Variants in MUC5B observed in about 807,000 individuals in gnomAD.
MUC5B encodes mucin 5B, oligomeric mucus/gel-forming, also known as mucin-5B.
In MUC5B, 116 loss-of-function variants were observed where a neutral mutation model predicts 376.9. That is an observed-to-expected ratio of 0.31 (90% CI 0.26 to 0.36). The LOEUF (loss-of-function observed/expected upper bound fraction) is 0.36, where lower values mean the gene tolerates loss of function less well. Ranked by LOEUF, MUC5B falls within the 10% of genes least tolerant of loss-of-function variation. The pLI is 1.00. For missense variants in MUC5B, 7,165 were observed against 7,769.9 expected, an observed-to-expected ratio of 0.92 and a Z score of 2.93; for synonymous variants, 3,517 against 3,390.9, an observed-to-expected ratio of 1.04 and a Z score of -1.29.
chr11:1,229,601 A>C, intron 9 of MUC5B, 89 bp from the exon 10 acceptor site: 1 of 1,179,760 alleles, frequency 8.5e-7, no homozygotes, highest in East Asian at 2.6e-5. Flanking sequence ...TTCCTCCCCA[A>C]GGGAGGCAGC....
At chr11:1,238,419 G>T (rs1862201181) in intron 25 of MUC5B, among the ~76,000 whole-genome samples, 1 of 151,732 alleles carries the variant, frequency 6.6e-6, no homozygotes. Context: ...TGGAGGGAAG[G>T]CCCCCAGGTG....
At chr11:1,226,417 T>A in intron 3 of MUC5B, 141 bp downstream of exon 3, 1 of 1,302,834 alleles carries the variant, frequency 7.7e-7, no homozygotes, top group Non-Finnish European at 1.1e-6. Flanking sequence ...GGTCTCCTGG[T>A]CACTGGCCAC....
intron 9 of MUC5B, 66 bp from the exon 10 acceptor site, chr11:1,229,624 C>A: frequency 7.4e-7 from 1 of 1,357,840 alleles, no homozygotes; most frequent in Non-Finnish European, 1.0e-6. Context: ...GTCCCCAAGG[C>A]CGGTGTCTTC....
In MUC5B at chr11:1,262,039, G is replaced by A. The variant is rs1199149730; in HGVS notation, c.*431G>A. 3.8e-6 allele frequency: 2 copies of A among 519,604 alleles called. No individual in the cohort carries two copies. The highest frequency in any genetic ancestry group is 1.4e-5 in the South Asian group (1 of 70,466). The allele number at this position is 519,604 out of a possible 1,614,324, so 32.2% of individuals were successfully genotyped here. ...CCAGGAAGCTGCGACAGGCAAGGCG[G>A]CCGCCTGTCCATGCCTGCTGCAGGG... On this transcript the variant is annotated 3_prime_UTR_variant, in exon 49 of 49. Coordinates refer to ENST00000529681, the MANE Select transcript of MUC5B (RefSeq NM_002458.3).
In MUC5B at chr11:1,235,148, C is replaced by T. The variant is rs546384509; in HGVS notation, c.2694C>T (p.Tyr898=). The T allele has an allele frequency of 1.8e-5, 29 of 1,612,952 alleles. No individual in the cohort carries two copies. The highest frequency in any genetic ancestry group is 6.6e-5 in the South Asian group (6 of 91,090). The change falls in exon 22 of 49, where the codon TAC becomes TAT. Residue 898 remains tyrosine (Y), a synonymous_variant. Coordinates refer to ENST00000529681, the MANE Select transcript of MUC5B (RefSeq NM_002458.3). ...TCTGCCTGGGCACCTGCGTGGCCTA[C>T]GGGGATGGCCACTTCATCACCTTTG... ...HRLCLGTCVA[Y]GDGHFITFDG...
Position 1,242,669 on chromosome 11 carries a change from T to G in MUC5B, c.5789T>G (p.Leu1930Arg), listed in dbSNP as rs770159358. 3.1e-6 allele frequency: 5 copies of G among 1,604,740 alleles called. No homozygotes were observed. Among genetic ancestry groups the G allele is most frequent in the South Asian group, 1.1e-5 (1 of 90,876 alleles). Reference sequence around the variant, plus strand: ...TCCACGGCCACCCCGACCTCCACCCTGAGAACAGCTCCCCCTCCCAAAGTG... The same window carrying G: ...TCCACGGCCACCCCGACCTCCACCCGGAGAACAGCTCCCCCTCCCAAAGTG... Reference protein sequence around the residue: ...TGSTATPTSTLRTAPPPKVLT... With the variant: ...TGSTATPTSTRRTAPPPKVLT... Residue 1930 changes from leucine (L) to arginine (R), a missense_variant, in exon 31 of 49, where the codon CTG (leucine) becomes CGG (arginine). Physicochemically the swap from Leu to Arg is moderately radical, Grantham distance 102. This residue lies in a region of MUC5B where 897 missense variants were observed against 779.6 expected (regional missense o/e 1.15). Transcript: ENST00000529681.
chr11:1,247,075 G>C lies in MUC5B; in HGVS notation c.10195G>C (p.Ala3399Pro), dbSNP rs747942771. The C allele has an allele frequency of 6.4e-7, 1 of 1,561,960 alleles. No homozygotes were observed. Among genetic ancestry groups the C allele is most frequent in the Non-Finnish European group, 8.7e-7 (1 of 1,153,382 alleles). Reference sequence around the variant, plus strand: ...GACCACCACGGCCACTACGATCACAGCCACCGGCTCCACCACCAACCCCTC... The same window carrying C: ...GACCACCACGGCCACTACGATCACACCCACCGGCTCCACCACCAACCCCTC... Reference protein sequence around the residue: ...SLTTTATTITATGSTTNPSST... With the variant: ...SLTTTATTITPTGSTTNPSST... Residue 3399 changes from alanine to proline, a missense_variant, in exon 31 of 49, where the codon GCC becomes CCC. By Grantham distance (27) the Ala-to-Pro change is conservative (BLOSUM62 -1). This residue lies in a region of MUC5B where 939 missense variants were observed against 770.6 expected (regional missense o/e 1.22). Coordinates refer to ENST00000529681, the MANE Select transcript of MUC5B (RefSeq NM_002458.3).
chr11:1,250,336 A>T lies in MUC5B; in HGVS notation c.13456A>T (p.Thr4486Ser). The T allele has an allele frequency of 6.2e-7, 1 of 1,613,142 alleles. No homozygotes were observed. The highest frequency in any genetic ancestry group is 8.5e-7 in the Non-Finnish European group (1 of 1,179,592). The change falls in exon 31 of 49, where the codon ACG becomes TCG. Residue 4486 changes from threonine to serine, a missense_variant. By Grantham distance (58) the Thr-to-Ser change is moderately conservative. Around this residue, in one of 31 missense-constraint regions of MUC5B, gnomAD observed 431 missense variants for 390.4 expected, o/e 1.10. Transcript: ENST00000529681. ...AGTPHVSTTA[T>S]TPTVTSSKAT... ...CACCCCACATGTGAGCACCACGGCC[A>T]CGACACCCACAGTCACCAGCTCCAA... is the stretch of plus-strand genomic sequence containing the variant.
intron 26 of MUC5B, 26 bp from the exon 27 acceptor site, chr11:1,239,412 C>T (rs375706682): frequency 7.5e-6 from 12 of 1,598,528 alleles, no homozygotes; most frequent in African/African-American, 1.3e-5. Flanking sequence ...TGGGCGCCTC[C>T]TTAGCCTCTG....
In MUC5B at chr11:1,258,254, G is replaced by A; in HGVS notation, c.16555+51G>A. 6.3e-7 allele frequency: 1 copy of A among 1,579,072 alleles called. No homozygotes were observed. The highest frequency in any genetic ancestry group is 1.1e-5 in the South Asian group (1 of 87,060). On this transcript the variant is annotated intron_variant, in intron 42 of 48. Coordinates refer to ENST00000529681, the MANE Select transcript of MUC5B (RefSeq NM_002458.3). The surrounding 1 kb of genome is among the most constrained non-coding windows in gnomAD (Gnocchi z 5.5). ...TGGGTGGCCTCTTGCTGGGGGTGGG[G>A]GAGTGCAGGATGGTGGGGGCGCTGG...
intron 7 of MUC5B, among the ~76,000 whole-genome samples, chr11:1,228,171 C>T (rs796567143): frequency 2.6e-5 from 4 of 152,176 alleles, no homozygotes; most frequent in Non-Finnish European, 1.5e-5. Flanking sequence ...CATGAGCCCC[C>T]CTGTGAGCTG....
Position 1,234,334 on chromosome 11 carries a change from G to T in MUC5B, c.2478+29G>T. 1 of 1,106,402 alleles carries T rather than the reference G, an allele frequency of 9.0e-7. No homozygotes were observed. The highest frequency in any genetic ancestry group is 1.4e-6 in the Non-Finnish European group (1 of 732,178). The allele number at this position is 1,106,402 out of a possible 1,614,324, so 68.5% of individuals were successfully genotyped here. On this transcript the variant is annotated intron_variant, in intron 20 of 48. Transcript: ENST00000529681. This position sits in a 1 kb window ranked among gnomAD's most constrained non-coding sequence, Gnocchi z 6.3. ...AGTTCCATGCTTCAGGGAGGGGTGG[G>T]CAGGGAAGGGGTCCCAGCTTTCCCA...
chr11:1,227,598 G>A (rs1467341690), intron 6 of MUC5B, 77 bp from the exon 7 acceptor site: 2 of 688,542 alleles, frequency 2.9e-6, no homozygotes, highest in East Asian at 2.7e-5. Flanking sequence ...CTCTGGCCTG[G>A]GCTCAGGAAG....
At chr11:1,256,570 C>A in intron 38 of MUC5B, 101 bp from the exon 39 acceptor site, 1 of 594,632 alleles carries the variant, frequency 1.7e-6, no homozygotes, top group Non-Finnish European at 2.9e-6. Context: ...ACCCATTCAT[C>A]TCCTTCCCTG....
Position 1,257,111 on chromosome 11 carries a change from C to T in MUC5B, c.16238-129C>T. ...TGAGCTCCAGCCACATCTGACACCC[C>T]AAAAGTTCTCCAGGGCCTTCCATCC... On this transcript the variant is annotated intron_variant, in intron 39 of 48. Coordinates refer to ENST00000529681, the MANE Select transcript of MUC5B (RefSeq NM_002458.3). The surrounding 1 kb of genome is among the most constrained non-coding windows in gnomAD (Gnocchi z 8.9). The T allele has an allele frequency of 4.3e-6, 3 of 702,318 alleles. No homozygotes were observed. The highest frequency in any genetic ancestry group is 8.0e-6 in the Non-Finnish European group (3 of 376,982). The allele number at this position is 702,318 out of a possible 1,614,324, so 43.5% of individuals were successfully genotyped here. A position where few individuals can be genotyped will look rare whatever the true frequency, so the allele number is the denominator to read the frequency against.
intron 25 of MUC5B, among the ~76,000 whole-genome samples, chr11:1,238,127 T>C (rs12099168): frequency 4.6e-5 from 7 of 152,176 alleles, no homozygotes; most frequent in African/African-American, 1.4e-4. Context: ...AGATGGGGCC[T>C]GGGAGGGGTG....
chr11:1,257,802 C>T lies in MUC5B; in HGVS notation c.16450+92C>T. The T allele has an allele frequency of 7.1e-7, 1 of 1,407,308 alleles. No homozygotes were observed. Among genetic ancestry groups the T allele is most frequent in the Non-Finnish European group, 9.5e-7 (1 of 1,055,652 alleles). 87.2% of individuals were successfully genotyped at this position (1,407,308 alleles called of 1,614,324 possible). ...GGCCTGTGGGTTGGGCACAGGAGAG[C>T]AGAGGAGAGCCACTGTGTCCTGGCG... On this transcript the variant is annotated intron_variant, in intron 41 of 48. Coordinates refer to ENST00000529681, the MANE Select transcript of MUC5B (RefSeq NM_002458.3). The surrounding 1 kb of genome is among the most constrained non-coding windows in gnomAD (Gnocchi z 8.9).
At chr11:1,226,333 G>A (rs1040120211) in intron 3 of MUC5B, 57 bp downstream of exon 3, 20 of 1,535,202 alleles carry the variant, frequency 1.3e-5, no homozygotes, top group Non-Finnish European at 1.8e-5. Context: ...TCCCAAAGGT[G>A]GGGGCCCAGA....
Position 1,241,095 on chromosome 11 carries a change from G to A in MUC5B, c.4215G>A (p.Leu1405=), listed in dbSNP as rs748015322. ...QQVDCDRMRG[L]MCANSQQSPP... ...TGGACTGTGACCGCATGCGGGGGCT[G>A]ATGTGCGCCAACAGCCAACAGAGTC... The change falls in exon 31 of 49, where the codon CTG becomes CTA. Residue 1405 remains leucine, a synonymous_variant. Transcript: ENST00000529681. 1 of 1,612,364 alleles carries A rather than the reference G, an allele frequency of 6.2e-7. No homozygotes were observed.
Sources: gnomAD v4.1 joint callset for allele counts (sites outside exome capture counted in the v4.1 genomes callset) on GRCh38, gnomAD v4.1.1 for gene constraint, gnomAD v4.1.1 regional missense constraint, Gnocchi (gnomAD v3.1) non-coding constraint, MANE v1.5 for transcripts, NCBI Gene and HGNC (gene_info 2026-07-23, HGNC 2026-07-21) for gene names.